Variants in AKIRIN1 observed in about 807,000 individuals in gnomAD.
AKIRIN1 encodes the protein akirin 1.
A neutral mutation model predicts 25.9 loss-of-function variants in AKIRIN1; 4 were observed. The ratio of observed to expected loss-of-function variants is 0.15; its 90% CI spans 0.08 to 0.35. AKIRIN1 has a LOEUF of 0.35. Ranked by LOEUF, AKIRIN1 falls within the 10% of genes least tolerant of loss-of-function variation. AKIRIN1 has a pLI of 1.00. For missense variants in AKIRIN1, 243 were observed against 266.1 expected, an observed-to-expected ratio of 0.91 and a Z score of 0.61; for synonymous variants, 125 against 105.1, an observed-to-expected ratio of 1.19 and a Z score of -1.16.
chr1:39,003,391 C>G lies in AKIRIN1; in HGVS notation c.541C>G (p.Arg181Gly). 1 of 1,613,328 alleles carries G rather than the reference C, an allele frequency of 6.2e-7. No homozygotes were observed. The highest frequency in any genetic ancestry group is 8.5e-7 in the Non-Finnish European group (1 of 1,179,820). The change falls in exon 4 of 5, where the codon CGA becomes GGA. Residue 181 changes from arginine to glycine, a missense_variant. Arg to Gly is a moderately radical substitution (Grantham distance 125). Transcript: ENST00000432648. ...GAAATTCACACATGATCAGATTATG[C>G]GACGGTATGGGACAAGGCCAACAAG... ...FVKFTHDQIM[R>G]RYGTRPTSYV...
intron 1 of AKIRIN1, among the ~76,000 whole-genome samples, chr1:38,997,904 GTC>G (rs1643959355): frequency 6.6e-6 from 1 of 152,172 alleles, no homozygotes; most frequent in African/African-American, 2.4e-5. Flanking sequence ...AGGGAACTCT[GTC>G]TGGTTTATGC....
At chr1:38,999,362 T>G (rs1435287626) in intron 2 of AKIRIN1, among the ~76,000 whole-genome samples, 1 of 152,192 alleles carries the variant, frequency 6.6e-6, no homozygotes, top group African/African-American at 2.4e-5. Flanking sequence ...GGGTTTTAGT[T>G]TTTGTAGTGA....
Position 38,991,356 on chromosome 1 carries a change from T to G in AKIRIN1, c.-25T>G. 7.5e-7 allele frequency: 1 copy of G among 1,338,132 alleles called. No homozygotes were observed. Among genetic ancestry groups the G allele is most frequent in the Non-Finnish European group, 9.6e-7 (1 of 1,046,886 alleles). The allele number at this position is 1,338,132 out of a possible 1,614,324, so 82.9% of individuals were successfully genotyped here. A position where few individuals can be genotyped will look rare whatever the true frequency, so the allele number is the denominator to read the frequency against. On this transcript the variant is annotated 5_prime_UTR_variant, in exon 1 of 5. Transcript: ENST00000432648. The stretch of plus-strand genomic sequence containing the variant: ...GGGCCGCACTTACCGCCGCGTCCGC[T>G]CCCGGTCCCTGGCCCCTCAGCGGCA...
intron 1 of AKIRIN1, among the ~76,000 whole-genome samples, chr1:38,991,815 C>T (rs990512084): frequency 6.6e-6 from 1 of 152,084 alleles, no homozygotes; most frequent in Non-Finnish European, 1.5e-5. Flanking sequence ...TTTAGGTTTT[C>T]CTGGGGGAGG....
intron 1 of AKIRIN1, among the ~76,000 whole-genome samples, chr1:38,994,672 A>ATTTTTTTTTTTTTTTTTTTTTTTTTTTT (rs10528399): frequency 1.1e-4 from 7 of 63,554 alleles, no homozygotes; most frequent in African/African-American, 1.6e-4. Context: ...CGCTCGGCTA[A>ATTTTTTTTTTTTTTTTTTTTTTTTTTTT]TTTTTTTTTT....
intron 3 of AKIRIN1, among the ~76,000 whole-genome samples, chr1:39,001,349 C>T (rs144149926): frequency 0.015 from 2,249 of 150,458 alleles, 61 homozygotes; most frequent in African/African-American, 0.049. Context: ...CCACAACCTC[C>T]GCCTGCCAGG....
chr1:38,995,418 G>C (rs1228290877), intron 1 of AKIRIN1, among the ~76,000 whole-genome samples: 1 of 152,150 alleles, frequency 6.6e-6, no homozygotes, highest in Non-Finnish European at 1.5e-5. Flanking sequence ...TGGAGGGAAG[G>C]ATTAAAATTA....
intron 2 of AKIRIN1, 54 bp downstream of exon 2, chr1:38,998,365 A>G (rs933197358): frequency 6.5e-7 from 1 of 1,526,740 alleles, no homozygotes; most frequent in Non-Finnish European, 8.8e-7. Context: ...AATGGTACTT[A>G]TAATGATGAA....
Position 38,991,420 on chromosome 1 carries a change from G to A in AKIRIN1, c.40G>A (p.Glu14Lys). The A allele has an allele frequency of 7.4e-7, 1 of 1,360,404 alleles. No individual in the cohort carries two copies. The highest frequency in any genetic ancestry group is 3.1e-5 in the East Asian group (1 of 32,210). The allele number at this position is 1,360,404 out of a possible 1,614,324, so 84.3% of individuals were successfully genotyped here. The change falls in exon 1 of 5, where the codon GAG (glutamate) becomes AAG (lysine). Residue 14 changes from glutamate (E) to lysine (K), a missense_variant. Coordinates refer to ENST00000432648, the MANE Select transcript of AKIRIN1 (RefSeq NM_024595.3). ...GATLKRPMEF[E>K]AALLSPGSPK... ...GACGCTGAAGCGGCCCATGGAGTTCGAGGCGGCGCTGCTGAGCCCCGGCTC... is the reference window on the plus strand; with the variant it reads ...GACGCTGAAGCGGCCCATGGAGTTCAAGGCGGCGCTGCTGAGCCCCGGCTC...
chr1:39,001,870 T>TC lies in AKIRIN1; in HGVS notation c.496+764_496+765insC, dbSNP rs1557643387. Among the ~76,000 whole-genome samples the TC allele has an allele frequency of 5.3e-5, 8 of 152,036 alleles. No homozygotes were observed. In the South Asian group the frequency reaches 6.2e-4, roughly 12 times the overall value. ...CAACAGGTGTTGTGGAAGAGTTCAG[T>TC]AACATATTCAAACTTCCTAGTTAAG... On this transcript the variant is annotated intron_variant, in intron 3 of 4. Transcript: ENST00000432648.
intron 2 of AKIRIN1, among the ~76,000 whole-genome samples, chr1:38,998,856 A>G (rs892028118): frequency 1.3e-5 from 2 of 151,732 alleles, no homozygotes; most frequent in African/African-American, 4.8e-5. Context: ...CCTGGGTGAC[A>G]GAGTGAGTCT....
chr1:39,002,409 T>G (rs781721530), intron 3 of AKIRIN1, among the ~76,000 whole-genome samples: 8 of 152,200 alleles, frequency 5.3e-5, no homozygotes, highest in Non-Finnish European at 1.0e-4. Flanking sequence ...ATAGTAGAAC[T>G]ACTTTGATCC....
chr1:38,998,183 A>G lies in AKIRIN1; in HGVS notation c.233A>G (p.Gln78Arg). 1.2e-6 allele frequency: 2 copies of G among 1,606,070 alleles called. No homozygotes were observed. Among genetic ancestry groups the G allele is most frequent in the Admixed American group, 1.7e-5 (1 of 58,128 alleles). Reference sequence around the variant, plus strand: ...TCTTTTTTATTAGAGCAAATTTTTCAGAACATAAAACAAGAATATAGTCGT... The same window carrying G: ...TCTTTTTTATTAGAGCAAATTTTTCGGAACATAAAACAAGAATATAGTCGT... ...RRLPTPEQIF[Q>R]NIKQEYSRYQ... Residue 78 changes from glutamine (Q) to arginine (R), a missense_variant, in exon 2 of 5, where the codon CAG becomes CGG. Gln to Arg is a conservative substitution (Grantham distance 43). This residue lies in a region of AKIRIN1 where 190 missense variants were observed against 174.4 expected (regional missense o/e 1.09). Transcript: ENST00000432648.
chr1:39,000,951 C>A, intron 2 of AKIRIN1, 21 bp from the exon 3 acceptor site: 1 of 1,603,126 alleles, frequency 6.2e-7, no homozygotes. Flanking sequence ...CTGGCCCAAA[C>A]TCACTTTTTC....
chr1:38,995,353 G>T (rs1303185817), intron 1 of AKIRIN1, among the ~76,000 whole-genome samples: 4 of 152,234 alleles, frequency 2.6e-5, no homozygotes, highest in African/African-American at 9.6e-5. Flanking sequence ...GAACACTGTA[G>T]AGTTTGGAGG....
In AKIRIN1 at chr1:39,005,949, T is replaced by C. The variant is rs551656847; in HGVS notation, c.*1894T>C. 14 of 152,292 alleles carry C rather than the reference T, an allele frequency of 9.2e-5. No individual in the cohort carries two copies. The highest frequency in any genetic ancestry group is 4.6e-4 in the Admixed American group (7 of 15,282). 9.4% of individuals were successfully genotyped at this position (152,292 alleles called of 1,614,324 possible). A position where few individuals can be genotyped will look rare whatever the true frequency, so the allele number is the denominator to read the frequency against. ...TAATTCAAATAACTTATGTGAGAGCTGCTATAACCATTTCCCCAGTTCAAC... is the reference window on the plus strand; with the variant it reads ...TAATTCAAATAACTTATGTGAGAGCCGCTATAACCATTTCCCCAGTTCAAC... On this transcript the variant is annotated 3_prime_UTR_variant, in exon 5 of 5. Transcript: ENST00000432648.
chr1:38,995,665 C>G (rs1295032517), intron 1 of AKIRIN1, among the ~76,000 whole-genome samples: 1 of 152,218 alleles, frequency 6.6e-6, no homozygotes, highest in Non-Finnish European at 1.5e-5. Flanking sequence ...GCGTTGTCCT[C>G]ATACTTGTCC....
chr1:39,003,238 C>T (rs1644008487), intron 3 of AKIRIN1, 109 bp from the exon 4 acceptor site: 1 of 975,760 alleles, frequency 1.0e-6, no homozygotes, highest in Non-Finnish European at 1.6e-6. Flanking sequence ...ATAAAGAGGG[C>T]CTGAGAGGGT....
At chr1:38,998,886 A>AG (rs1643967959) in intron 2 of AKIRIN1, among the ~76,000 whole-genome samples, 1 of 151,808 alleles carries the variant, frequency 6.6e-6, no homozygotes, top group Middle Eastern at 3.4e-3. Flanking sequence ...AAAAAAAAAA[A>AG]GTTTTTTTAA....
Sources: gnomAD v4.1 joint callset for allele counts (sites outside exome capture counted in the v4.1 genomes callset) on GRCh38, gnomAD v4.1.1 for gene constraint, gnomAD v4.1.1 regional missense constraint, MANE v1.5 for transcripts, NCBI Gene and HGNC (gene_info 2026-07-23, HGNC 2026-07-21) for gene names.